The following LRRTM4 variants were observed in gnomAD, a reference collection of about 807,000 sequenced individuals.
LRRTM4 encodes leucine rich repeat transmembrane neuronal 4, also known as leucine-rich repeat transmembrane neuronal protein 4.
In LRRTM4, 25 loss-of-function variants were observed where a neutral mutation model predicts 47.6. The observed-to-expected ratio is 0.53, with a 90% CI of 0.38 to 0.73. The LOEUF (loss-of-function observed/expected upper bound fraction) is 0.73, where lower values mean the gene tolerates loss of function less well. Among genes scored for constraint, LRRTM4 ranks in the 30% least tolerant of loss-of-function variants. The pLI, the probability that LRRTM4 is intolerant of heterozygous loss-of-function variation, is 0.00. For synonymous variants in LRRTM4, 311 were observed against 269.5 expected (o/e 1.15, Z -1.51); for missense variants, 638 against 713.4 (o/e 0.89, Z 1.20).
intron 3 of LRRTM4, among the ~76,000 whole-genome samples, chr2:77,012,387 G>A (rs1008230867): frequency 6.6e-6 from 1 of 152,018 alleles, no homozygotes; most frequent in African/African-American, 2.4e-5. Flanking sequence ...TTGACAATGA[G>A]AAATTAATGC....
In LRRTM4 at chr2:77,202,549, AT is replaced by A. The variant is rs200930647; in HGVS notation, c.1551+315768del. On this transcript the variant is annotated intron_variant, in intron 3 of 3. Transcript: ENST00000409884. The stretch of plus-strand genomic sequence containing the variant: ...GCCATTTTACATTGGAATTTGGATA[AT>A]TTTTTTTTTTCCAGAAAGTCGAGCC... Among the ~76,000 whole-genome samples the A allele has an allele frequency of 6.6e-3, 979 of 148,108 alleles. 8 individuals carry two copies. Among genetic ancestry groups the A allele is most frequent in the African/African-American group, 0.022 (875 of 40,534 alleles).
chr2:77,466,626 C>T (rs1290250203), intron 3 of LRRTM4, among the ~76,000 whole-genome samples: 1 of 151,480 alleles, frequency 6.6e-6, no homozygotes, highest in Non-Finnish European at 1.5e-5. Flanking sequence ...AATAAAATTC[C>T]AATTCTTTGT....
intron 3 of LRRTM4, among the ~76,000 whole-genome samples, chr2:76,955,253 AAAT>A (rs1413978350): frequency 6.6e-6 from 1 of 151,848 alleles, no homozygotes; most frequent in Non-Finnish European, 1.5e-5. Flanking sequence ...AAAAGTATAA[AAAT>A]AACTACAACG....
chr2:76,863,770 A>G (rs1271661458), intron 3 of LRRTM4, among the ~76,000 whole-genome samples: 1 of 152,202 alleles, frequency 6.6e-6, no homozygotes, highest in African/African-American at 2.4e-5. Context: ...TGTTTTTTAC[A>G]TGTTTATTAC....
intron 3 of LRRTM4, among the ~76,000 whole-genome samples, chr2:77,257,024 G>A (rs1573153781): frequency 6.6e-6 from 1 of 152,022 alleles, no homozygotes; most frequent in Admixed American, 6.6e-5. Flanking sequence ...ATATTAATAG[G>A]CTAAAGAAGA....
chr2:76,941,486 C>T (rs1468167463), intron 3 of LRRTM4, among the ~76,000 whole-genome samples: 1 of 151,910 alleles, frequency 6.6e-6, no homozygotes, highest in Non-Finnish European at 1.5e-5. Context: ...CCCAACAACC[C>T]CCAGTATGTT....
In LRRTM4 at chr2:77,519,623, G is replaced by C. The variant is rs768339020; in HGVS notation, c.246C>G (p.Ala82=). 6.2e-7 allele frequency: 1 copy of C among 1,613,410 alleles called. No individual in the cohort carries two copies. Among genetic ancestry groups the C allele is most frequent in the Non-Finnish European group, 8.5e-7 (1 of 1,179,646 alleles). ...AAAGCCATATAAGCTGGTTAAGGCC[G>C]GCAAACTGATTGGATTTGAGCTTCT... ...SIQKLKSNQF[A]GLNQLIWLYL... The change falls in exon 3 of 4, where the codon GCC becomes GCG. Residue 82 remains alanine (A), a synonymous_variant. Transcript: ENST00000409884. The surrounding 1 kb of genome is among the most constrained non-coding windows in gnomAD (Gnocchi z 4.6).
At chr2:76,805,442 C>T (rs1390795556) in intron 3 of LRRTM4, among the ~76,000 whole-genome samples, 1 of 151,912 alleles carries the variant, frequency 6.6e-6, no homozygotes, top group Non-Finnish European at 1.5e-5. Flanking sequence ...TATTCAGGGG[C>T]TCAAGTAACA....
At chr2:76,966,272 T>C (rs570470177) in intron 3 of LRRTM4, among the ~76,000 whole-genome samples, 53 of 150,102 alleles carry the variant, frequency 3.5e-4, no homozygotes, top group African/African-American at 9.7e-4. Context: ...TCAGGTGAAA[T>C]AGGAGAAGGA....
At chr2:77,177,135 A>C (rs1012628688) in intron 3 of LRRTM4, among the ~76,000 whole-genome samples, 32 of 152,158 alleles carry the variant, frequency 2.1e-4, no homozygotes, top group African/African-American at 7.0e-4. Context: ...GGGCTGCTCT[A>C]CCTATGGAGT....
At chr2:77,301,875 AC>A (rs1318933369) in intron 3 of LRRTM4, among the ~76,000 whole-genome samples, 1 of 152,170 alleles carries the variant, frequency 6.6e-6, no homozygotes, top group African/African-American at 2.4e-5. Flanking sequence ...CTCATAACTT[AC>A]CAGTAACAGA....
intron 3 of LRRTM4, among the ~76,000 whole-genome samples, chr2:77,411,442 CTCTT>C (rs1674422256): frequency 6.9e-6 from 1 of 145,632 alleles, no homozygotes; most frequent in African/African-American, 2.6e-5. Flanking sequence ...CTCTCTCTCT[CTCTT>C]TCTTCTTTTT....
At chr2:77,299,568 ATTGTTTTCCTT>A (rs1677071257) in intron 3 of LRRTM4, among the ~76,000 whole-genome samples, 1 of 152,064 alleles carries the variant, frequency 6.6e-6, no homozygotes, top group African/African-American at 2.4e-5. Flanking sequence ...GAACTGGGAA[ATTGTTTTCCTT>A]TTGTATGGTA....
At chr2:77,010,541 C>G (rs1299339607) in intron 3 of LRRTM4, among the ~76,000 whole-genome samples, 1 of 144,912 alleles carries the variant, frequency 6.9e-6, no homozygotes, top group East Asian at 2.1e-4. Flanking sequence ...CACACACACA[C>G]ACACAGTCTT....
intron 3 of LRRTM4, among the ~76,000 whole-genome samples, chr2:76,785,527 G>A (rs1469176676): frequency 6.6e-6 from 1 of 152,020 alleles, no homozygotes; most frequent in African/African-American, 2.4e-5. Context: ...AATCCAGGAA[G>A]GATCTTCAAT....
intron 3 of LRRTM4, among the ~76,000 whole-genome samples, chr2:76,807,954 T>C (rs1338826160): frequency 1.3e-5 from 2 of 148,410 alleles, no homozygotes; most frequent in East Asian, 2.0e-4. Context: ...TCTTTCTTTC[T>C]TTTTCTTTTT....
chr2:77,185,109 T>C (rs980792733), intron 3 of LRRTM4, among the ~76,000 whole-genome samples: 8 of 152,154 alleles, frequency 5.3e-5, no homozygotes, highest in African/African-American at 1.7e-4. Flanking sequence ...ACTCATTTTC[T>C]ACAGTGGGAA....
intron 3 of LRRTM4, among the ~76,000 whole-genome samples, chr2:77,322,729 C>G (rs1677831153): frequency 6.7e-6 from 1 of 150,096 alleles, no homozygotes; most frequent in African/African-American, 2.4e-5. Context: ...AGTGATATAT[C>G]TACAGTTCAC....
chr2:77,511,876 C>T (rs571925038), intron 3 of LRRTM4, among the ~76,000 whole-genome samples: 4 of 152,158 alleles, frequency 2.6e-5, no homozygotes, highest in Non-Finnish European at 5.9e-5. Context: ...AATGACTTTG[C>T]TGTCATTTCA....
Sources: gnomAD v4.1 joint callset for allele counts (sites outside exome capture counted in the v4.1 genomes callset) on GRCh38, gnomAD v4.1.1 for gene constraint, Gnocchi (gnomAD v3.1) non-coding constraint, MANE v1.5 for transcripts, NCBI Gene and HGNC (gene_info 2026-07-23, HGNC 2026-07-21) for gene names.